The following SLC26A11 variants were observed in gnomAD, a reference collection of about 807,000 sequenced individuals.
SLC26A11 encodes the protein sodium-independent sulfate anion transporter.
SLC26A11 carries 58 observed loss-of-function variants against 62.2 expected under a neutral mutation model. The observed-to-expected ratio is 0.93, with a 90% confidence interval of 0.76 to 1.16. The LOEUF (loss-of-function observed/expected upper bound fraction) is 1.16. SLC26A11 is among the 50% of genes most tolerant of loss of function. The pLI is 0.00. For missense variants in SLC26A11, 790 were observed against 794.3 expected (o/e 0.99, Z 0.06); for synonymous variants, 411 against 368.9 (o/e 1.11, Z -1.31).
At position 80,246,662 on chromosome 17, in the gene SLC26A11, C is replaced by T. The variant is rs757920274; in HGVS notation, c.1294+13C>T. On this transcript the variant is annotated intron_variant, in intron 13 of 17. Coordinates refer to ENST00000361193, the MANE Select transcript of SLC26A11 (RefSeq NM_001166347.2). This position sits in a 1 kb window ranked among gnomAD's most constrained non-coding sequence, Gnocchi z 4.4. ...TGGCGTGTTAAGAGTACGTCCTTGT[C>T]CTACAGGGGAGAGCGCTGTGATGCG... 5 of 1,612,514 alleles carry T rather than the reference C, an allele frequency of 3.1e-6. No individual in the cohort carries two copies. The highest frequency in any genetic ancestry group is 4.2e-6 in the Non-Finnish European group (5 of 1,179,460).
At chr17:80,237,923 G>A (rs1394852446) in intron 9 of SLC26A11, among the ~76,000 whole-genome samples, 1 of 152,208 alleles carries the variant, frequency 6.6e-6, no homozygotes, top group Non-Finnish European at 1.5e-5. Context: ...CACTGAAAGG[G>A]GAGTTTGCAC....
In SLC26A11 at chr17:80,246,659, T is replaced by C; in HGVS notation, c.1294+10T>C. On this transcript the variant is annotated intron_variant, in intron 13 of 17. Coordinates refer to ENST00000361193, the MANE Select transcript of SLC26A11 (RefSeq NM_001166347.2). The surrounding 1 kb of genome is among the most constrained non-coding windows in gnomAD (Gnocchi z 4.4). ...CTCTGGCGTGTTAAGAGTACGTCCT[T>C]GTCCTACAGGGGAGAGCGCTGTGAT... 6.2e-7 allele frequency: 1 copy of C among 1,612,832 alleles called. No homozygotes were observed. The highest frequency in any genetic ancestry group is 1.1e-5 in the South Asian group (1 of 90,896).
chr17:80,244,391 G>A (rs2042941553), intron 10 of SLC26A11, among the ~76,000 whole-genome samples: 1 of 152,182 alleles, frequency 6.6e-6, no homozygotes. Context: ...GGTGGAGAAC[G>A]GTGGGCAGCC....
intron 11 of SLC26A11, among the ~76,000 whole-genome samples, chr17:80,245,853 C>T (rs75186770): frequency 0.031 from 4,717 of 152,326 alleles, 280 homozygotes; most frequent in African/African-American, 0.11. Context: ...AGTCCCCCAG[C>T]TGGTGACCCT....
At chr17:80,224,194 T>A (rs997720159) in intron 5 of SLC26A11, among the ~76,000 whole-genome samples, 3 of 128,228 alleles carry the variant, frequency 2.3e-5, no homozygotes, top group South Asian at 2.8e-4. Context: ...TGTGTATGAG[T>A]GTGTGTGAGT....
rs530444907 is a variant in SLC26A11 at position 80,239,416 on chromosome 17, G to A, written c.985+1822G>A. On this transcript the variant is annotated intron_variant, in intron 9 of 17. Transcript: ENST00000361193. ...CTTTTTTTTTTTTTTTCGAGACGGA[G>A]TCTCGCTCTGTCGCCCAGGCTGGAG... Among the ~76,000 whole-genome samples, 6 of 147,384 alleles carry A rather than the reference G, an allele frequency of 4.1e-5. No individual in the cohort carries two copies. The South Asian group carries it at 1.3e-3, about 31-fold the overall frequency.
intron 11 of SLC26A11, among the ~76,000 whole-genome samples, 180 bp from the exon 12 acceptor site, chr17:80,245,974 A>C (rs945499097): frequency 6.6e-6 from 1 of 152,212 alleles, no homozygotes; most frequent in Non-Finnish European, 1.5e-5. Flanking sequence ...GGGTGGCCCA[A>C]GCGCGGCTGT....
chr17:80,230,563 C>T (rs1209007246), intron 7 of SLC26A11, among the ~76,000 whole-genome samples: 1 of 152,066 alleles, frequency 6.6e-6, no homozygotes, highest in Non-Finnish European at 1.5e-5. Flanking sequence ...AATCTTGCCT[C>T]CTGGGGTGCA....
rs1299643508 is a variant in SLC26A11, at chr17:80,223,885, T to C, written c.513+548T>C. 6.6e-6 allele frequency among the ~76,000 whole-genome samples: 1 copy of C among 152,256 alleles called. No individual in the cohort carries two copies. Among genetic ancestry groups the C allele is most frequent in the East Asian group, 1.9e-4 (1 of 5,200 alleles). On this transcript the variant is annotated intron_variant, in intron 5 of 17. Coordinates refer to ENST00000361193, the MANE Select transcript of SLC26A11 (RefSeq NM_001166347.2). The surrounding 1 kb of genome is among the most constrained non-coding windows in gnomAD (Gnocchi z 4.6). ...GCTGAGGGTGTAATTTATTCTGTTT[T>C]TGCTGGGTTGTAAGTTCCTCGAGGG...
intron 14 of SLC26A11, 98 bp from the exon 15 acceptor site, chr17:80,248,477 G>A: frequency 7.4e-7 from 1 of 1,358,434 alleles, no homozygotes; most frequent in African/African-American, 1.4e-5. Flanking sequence ...GTCCCCTGCA[G>A]CACACTAGGT....
rs1395418414 is a variant in SLC26A11 at position 80,221,655 on chromosome 17, G to C, written c.95G>C (p.Arg32Thr). 6.2e-7 allele frequency: 1 copy of C among 1,612,812 alleles called. No homozygotes were observed. Among genetic ancestry groups the C allele is most frequent in the Non-Finnish European group, 8.5e-7 (1 of 1,179,956 alleles). ...ACCCSPAALQ[R>T]RLPILAWLPS... ...TGCTGCTCCCCTGCGGCCCTGCAGA[G>C]GAGGCTGCCCATCCTGGCGTGGCTG... Residue 32 changes from arginine to threonine, a missense_variant, in exon 3 of 18, where the codon AGG (arginine) becomes ACG (threonine). Transcript: ENST00000361193.
In SLC26A11 at chr17:80,236,913, C is replaced by T; in HGVS notation, c.737-15C>T. 6.2e-7 allele frequency: 1 copy of T among 1,600,558 alleles called. No individual in the cohort carries two copies. The highest frequency in any genetic ancestry group is 8.6e-7 in the Non-Finnish European group (1 of 1,168,792). On this transcript the variant is annotated splice_polypyrimidine_tract_variant and intron_variant, in intron 7 of 17. Transcript: ENST00000361193. ...CGGGAGCAGGGTCTCGGACGCACCT[C>T]TCCTTCTCTCCTAGCTCGCAACGCC... is the stretch of plus-strand genomic sequence containing the variant.
In SLC26A11 at chr17:80,237,591, T is replaced by G. The variant is rs2042734345; in HGVS notation, c.982T>G (p.Phe328Val). 4.3e-6 allele frequency: 7 copies of G among 1,610,698 alleles called. No homozygotes were observed. The highest frequency in any genetic ancestry group is 5.9e-6 in the Non-Finnish European group (7 of 1,178,746). ...LLESIAVAKA[F>V]ASQNNYRIDA... ...GGAGAGCATTGCGGTGGCCAAAGCC[T>G]TCGGTAAGACGCCTGTCACCCACAC... The change falls in exon 9 of 18, where the codon TTC becomes GTC. Residue 328 changes from phenylalanine (F) to valine (V), a missense_variant. Coordinates refer to ENST00000361193, the MANE Select transcript of SLC26A11 (RefSeq NM_001166347.2).
At chr17:80,245,934 A>G (rs7502874) in intron 11 of SLC26A11, among the ~76,000 whole-genome samples, 47,613 of 152,086 alleles carry the variant, frequency 0.31, 8,550 homozygotes, top group East Asian at 0.6. Flanking sequence ...CTGAAAGGAC[A>G]CGTGCTTCCT....
At chr17:80,233,549 C>G (rs1224575880) in intron 7 of SLC26A11, among the ~76,000 whole-genome samples, 5 of 148,666 alleles carry the variant, frequency 3.4e-5, no homozygotes, top group African/African-American at 1.2e-4. Flanking sequence ...ATTTTTTCTT[C>G]TGTTGCAGGC....
intron 10 of SLC26A11, among the ~76,000 whole-genome samples, chr17:80,243,103 C>T (rs964718094): frequency 1.3e-5 from 2 of 152,216 alleles, no homozygotes; most frequent in African/African-American, 4.8e-5. Context: ...TGCAGGATAA[C>T]CCAGGAAGCA....
At chr17:80,242,339 A>G (rs1374383285) in intron 10 of SLC26A11, among the ~76,000 whole-genome samples, 2 of 152,162 alleles carry the variant, frequency 1.3e-5, no homozygotes, top group African/African-American at 4.8e-5. Flanking sequence ...AACCCCTAAG[A>G]ACAAGGAGCT....
At chr17:80,251,005 G>C in intron 16 of SLC26A11, among the ~76,000 whole-genome samples, 1 of 151,936 alleles carries the variant, frequency 6.6e-6, no homozygotes, top group Non-Finnish European at 1.5e-5. Flanking sequence ...GGACGTGGTG[G>C]CGTGCACCTG....
Position 80,229,454 on chromosome 17 carries a change from C to T in SLC26A11, c.736+1494C>T, listed in dbSNP as rs555964927. Among the ~76,000 whole-genome samples the T allele has an allele frequency of 5.3e-5, 8 of 151,062 alleles. No individual in the cohort carries two copies. In the East Asian group the frequency reaches 1.4e-3, roughly 26 times the overall value. On this transcript the variant is annotated intron_variant, in intron 7 of 17. Transcript: ENST00000361193. Reference sequence around the variant, plus strand: ...TTTGTTTTTTGGTTTTTTTTGGAGACGGTGTCTCACTCTGTTGCCCAGGCT... The same window carrying T: ...TTTGTTTTTTGGTTTTTTTTGGAGATGGTGTCTCACTCTGTTGCCCAGGCT...
Sources: allele counts gnomAD v4.1 joint callset (sites outside exome capture counted in the v4.1 genomes callset), GRCh38; gene constraint gnomAD v4.1.1; non-coding constraint Gnocchi (gnomAD v3.1); transcripts MANE v1.5; gene names NCBI Gene and HGNC (gene_info 2026-07-23, HGNC 2026-07-21).